The following KANK4 variants were observed in gnomAD, a reference collection of about 807,000 sequenced individuals.
KANK4 encodes KN motif and ankyrin repeat domains 4.
A neutral mutation model predicts 80.8 loss-of-function variants in KANK4; 50 were observed. The ratio of observed to expected loss-of-function variants is 0.62; its 90% CI spans 0.49 to 0.78. The LOEUF is 0.78. Ranked by LOEUF, KANK4 falls within the 30% of genes least tolerant of loss-of-function variation. The pLI is 0.00. For synonymous variants in KANK4, 465 were observed against 506.9 expected, an observed-to-expected ratio of 0.92 and a Z score of 1.11; for missense variants, 1,196 against 1,240.1, an observed-to-expected ratio of 0.96 and a Z score of 0.53.
intron 8 of KANK4, among the ~76,000 whole-genome samples, chr1:62,248,607 A>AGTGCAGTAGTG (rs1671529685): frequency 1.3e-5 from 2 of 149,292 alleles, no homozygotes; most frequent in Non-Finnish European, 3.0e-5. Context: ...GTGCAATGGC[A>AGTGCAGTAGTG]CGATCTCAGT....
intron 9 of KANK4, 61 bp from the exon 10 acceptor site, chr1:62,238,442 G>C: frequency 6.8e-7 from 1 of 1,474,300 alleles, no homozygotes; most frequent in South Asian, 1.2e-5. Flanking sequence ...GCCTGGGGGA[G>C]AAGGGCAAGT....
chr1:62,278,767 ATT>A (rs1415698331), intron 2 of KANK4, among the ~76,000 whole-genome samples: 1 of 152,010 alleles, frequency 6.6e-6, no homozygotes, highest in Non-Finnish European at 1.5e-5. Context: ...CACACTGGCA[ATT>A]TTAGTAAATG....
rs987631997 is a variant in KANK4, at chr1:62,238,218, C to T, written c.*59G>A. 2.6e-4 allele frequency: 333 copies of T among 1,292,440 alleles called. 1 individual carries two copies. The highest frequency in any genetic ancestry group is 3.3e-4 in the Non-Finnish European group (298 of 896,216). The allele number at this position is 1,292,440 out of a possible 1,614,324, so 80.1% of individuals were successfully genotyped here. A position where few individuals can be genotyped will look rare whatever the true frequency, so the allele number is the denominator to read the frequency against. On this transcript the variant is annotated 3_prime_UTR_variant, in exon 10 of 10. Transcript: ENST00000371153. ...CTGTGACCTCTGCCCTCTTCAAGGG[C>T]GAGGGAGGAGTCCAGAGAAGAAGGC...
chr1:62,282,157 TG>T (rs1672464567), intron 1 of KANK4, among the ~76,000 whole-genome samples: 1 of 152,120 alleles, frequency 6.6e-6, no homozygotes, highest in Non-Finnish European at 1.5e-5. Flanking sequence ...GACAGGGAGC[TG>T]CTACTTAGAG....
intron 7 of KANK4, 71 bp downstream of exon 7, chr1:62,263,021 G>GA (rs1671924866): frequency 8.5e-7 from 1 of 1,176,604 alleles, no homozygotes; most frequent in Non-Finnish European, 1.2e-6. Flanking sequence ...TGAAATTTTT[G>GA]AAAAAAATTT....
chr1:62,255,709 G>C (rs577811285), intron 7 of KANK4, among the ~76,000 whole-genome samples: 1 of 152,066 alleles, frequency 6.6e-6, no homozygotes, highest in Non-Finnish European at 1.5e-5. Flanking sequence ...CTGAGGGTGA[G>C]TGCAGTGGCA....
chr1:62,282,005 C>T (rs1360420103), intron 1 of KANK4, among the ~76,000 whole-genome samples: 1 of 152,158 alleles, frequency 6.6e-6, no homozygotes, highest in Non-Finnish European at 1.5e-5. Flanking sequence ...TTGCCATAAT[C>T]TCAAGAGTTG....
chr1:62,257,892 G>T (rs1305922680), intron 7 of KANK4, among the ~76,000 whole-genome samples: 1 of 152,096 alleles, frequency 6.6e-6, no homozygotes, highest in African/African-American at 2.4e-5. Flanking sequence ...AATTTTAGTT[G>T]TCTCTTCTCT....
At chr1:62,254,210 C>T (rs977459844) in intron 7 of KANK4, among the ~76,000 whole-genome samples, 30 of 152,142 alleles carry the variant, frequency 2.0e-4, no homozygotes, top group African/African-American at 6.3e-4. Flanking sequence ...TTAAGAATTA[C>T]ATTTCACAAT....
chr1:62,300,592 T>A (rs1156938577), intron 1 of KANK4, among the ~76,000 whole-genome samples: 1 of 152,048 alleles, frequency 6.6e-6, no homozygotes, highest in Non-Finnish European at 1.5e-5. Context: ...ACATGTATGG[T>A]GGGCTTGAAG....
chr1:62,254,441 T>C (rs968836748), intron 7 of KANK4, among the ~76,000 whole-genome samples: 1 of 119,604 alleles, frequency 8.4e-6, no homozygotes. Flanking sequence ...AGAGTTTCAC[T>C]GTATTGGCCA....
At chr1:62,292,991 G>A (rs1051144697) in intron 1 of KANK4, among the ~76,000 whole-genome samples, 1 of 151,750 alleles carries the variant, frequency 6.6e-6, no homozygotes, top group African/African-American at 2.4e-5. Context: ...TCTTCTTCTG[G>A]GTCTTTCACA....
At chr1:62,311,407 C>T (rs187344800) in intron 1 of KANK4, among the ~76,000 whole-genome samples, 28 of 149,638 alleles carry the variant, frequency 1.9e-4, no homozygotes, top group African/African-American at 3.9e-4. Context: ...TAAAAGGTAG[C>T]AAAAAAAAAC....
intron 1 of KANK4, among the ~76,000 whole-genome samples, chr1:62,287,896 A>G (rs1302756534): frequency 6.6e-6 from 1 of 152,168 alleles, no homozygotes; most frequent in East Asian, 1.9e-4. Context: ...TCATCAGAAT[A>G]AAAAAAGAAT....
chr1:62,282,444 G>A (rs767823027), intron 1 of KANK4, among the ~76,000 whole-genome samples: 4 of 152,112 alleles, frequency 2.6e-5, no homozygotes, highest in African/African-American at 7.2e-5. Flanking sequence ...CTGTGACACC[G>A]CAGCAGTGGA....
chr1:62,304,513 T>G (rs1340988236), intron 1 of KANK4, among the ~76,000 whole-genome samples: 1 of 151,974 alleles, frequency 6.6e-6, no homozygotes, highest in African/African-American at 2.4e-5. Context: ...GATTCTCCCC[T>G]TCTAGCTCTG....
chr1:62,316,700 T>G (rs891813318), intron 1 of KANK4, among the ~76,000 whole-genome samples: 5 of 152,210 alleles, frequency 3.3e-5, no homozygotes, highest in Non-Finnish European at 5.9e-5. Context: ...CTCAAAGATA[T>G]ATGCAATAAC....
chr1:62,266,900 T>C, intron 5 of KANK4, 81 bp from the exon 6 acceptor site: 1 of 913,474 alleles, frequency 1.1e-6, no homozygotes, highest in Non-Finnish European at 1.7e-6. Flanking sequence ...TCCTCCTCTT[T>C]CACATCTCAG....
chr1:62,247,728 C>A, intron 8 of KANK4, 56 bp from the exon 9 acceptor site: 2 of 1,470,502 alleles, frequency 1.4e-6, no homozygotes, highest in Non-Finnish European at 1.9e-6. Flanking sequence ...GAAGGACCCC[C>A]TCTCCAGCCT....
Sources: gnomAD v4.1 joint callset for allele counts (sites outside exome capture counted in the v4.1 genomes callset) on GRCh38, gnomAD v4.1.1 for gene constraint, MANE v1.5 for transcripts, NCBI Gene and HGNC (gene_info 2026-07-23, HGNC 2026-07-21) for gene names.